Variants in KIAA1549 observed in about 807,000 individuals in gnomAD.
KIAA1549 encodes the protein KIAA1549, also known as UPF0606 protein KIAA1549.
In KIAA1549, 70 loss-of-function variants were observed where a neutral mutation model predicts 156.4. The ratio of observed to expected loss-of-function variants is 0.45; its 90% CI spans 0.37 to 0.55. The LOEUF (loss-of-function observed/expected upper bound fraction) is 0.55. Among genes scored for constraint, KIAA1549 ranks in the 20% least tolerant of loss-of-function variants. The pLI, the probability that KIAA1549 is intolerant of heterozygous loss-of-function variation, is 0.00. For missense variants in KIAA1549, 2,428 were observed against 2,540.9 expected, an observed-to-expected ratio of 0.96 and a Z score of 0.96; for synonymous variants, 1,103 against 1,066.4, an observed-to-expected ratio of 1.03 and a Z score of -0.67.
chr7:138,973,840 C>G (rs1326685115), intron 1 of KIAA1549, among the ~76,000 whole-genome samples: 1 of 152,174 alleles, frequency 6.6e-6, no homozygotes, highest in Non-Finnish European at 1.5e-5. Flanking sequence ...AACAAGGTCT[C>G]ACTATGTTAC....
rs1809555394 is a variant in KIAA1549 at position 138,832,206 on chromosome 7, T to TTTTTTTTTTTTTTTTTTTTTTTTC, written c.*5699_*5700insGAAAAAAAAAAAAAAAAAAAAAAA. Reference sequence around the variant, plus strand: ...TTACCTATTCCTTTTTTTTTTTTTTTTTTTTCCAGAGACAGGACCTCACCC... The same window carrying TTTTTTTTTTTTTTTTTTTTTTTTC: ...TTACCTATTCCTTTTTTTTTTTTTTTTTTTTTTTTTTTTTTTTTTTTTTCTTTTTCCAGAGACAGGACCTCACCC... On this transcript the variant is annotated 3_prime_UTR_variant, in exon 20 of 20. Transcript: ENST00000422774. 4.6e-6 allele frequency: 1 copy of TTTTTTTTTTTTTTTTTTTTTTTTC among 216,288 alleles called. No individual in the cohort carries two copies. The highest frequency in any genetic ancestry group is 9.2e-6 in the Non-Finnish European group (1 of 108,498). 13.4% of individuals were successfully genotyped at this position (216,288 alleles called of 1,614,324 possible).
chr7:138,865,175 G>A (rs1810700876), intron 15 of KIAA1549, among the ~76,000 whole-genome samples: 1 of 152,104 alleles, frequency 6.6e-6, no homozygotes, highest in African/African-American at 2.4e-5. Flanking sequence ...GCTGCAGTGA[G>A]CCGTGATTGC....
intron 1 of KIAA1549, among the ~76,000 whole-genome samples, chr7:138,921,632 C>T (rs1335131160): frequency 2.0e-5 from 3 of 152,160 alleles, no homozygotes; most frequent in East Asian, 1.9e-4. Context: ...TTTGGAAGGC[C>T]GAGGAGGGCG....
intron 16 of KIAA1549, among the ~76,000 whole-genome samples, chr7:138,860,809 C>T (rs543988523): frequency 1.5e-4 from 22 of 148,984 alleles, no homozygotes; most frequent in South Asian, 2.1e-4. Context: ...ATACATTTGA[C>T]GGTTACCCCA....
chr7:138,895,226 C>G (rs1167091895), intron 9 of KIAA1549, among the ~76,000 whole-genome samples: 1 of 152,192 alleles, frequency 6.6e-6, no homozygotes, highest in Non-Finnish European at 1.5e-5. Context: ...TCATATTGCA[C>G]TAGTGCCAAA....
chr7:138,890,264 C>G (rs2130426275), intron 10 of KIAA1549, among the ~76,000 whole-genome samples: 1 of 152,284 alleles, frequency 6.6e-6, no homozygotes, highest in East Asian at 1.9e-4. Flanking sequence ...CCAGGTGGCA[C>G]AAAACGCAGT....
intron 1 of KIAA1549, among the ~76,000 whole-genome samples, chr7:138,964,385 G>A (rs1464650284): frequency 2.0e-5 from 3 of 152,230 alleles, no homozygotes; most frequent in South Asian, 2.1e-4. Flanking sequence ...CTTGCTAGCT[G>A]TGTGAGCAAG....
rs761099814 is a variant in KIAA1549 at position 138,838,026 on chromosome 7, G to A, written c.5733C>T (p.Pro1911=). ...RGLQGPGLGY[P]TSSTEDLQPG... is the part of the protein sequence containing the mutation. ...GCTGGAGGTCTTCCGTGGAGCTGGT[G>A]GGGTAACCCAGCCCAGGGCCCTGCA... The change falls in exon 20 of 20, where the codon CCC becomes CCT. Residue 1911 remains proline (P), a synonymous_variant. Coordinates refer to ENST00000422774, the MANE Select transcript of KIAA1549 (RefSeq NM_001164665.2). The A allele has an allele frequency of 1.9e-6, 3 of 1,608,976 alleles. No homozygotes were observed.
intron 1 of KIAA1549, among the ~76,000 whole-genome samples, chr7:138,942,288 A>G (rs568658459): frequency 6.2e-4 from 94 of 152,232 alleles, no homozygotes; most frequent in African/African-American, 2.2e-3. Flanking sequence ...CGAGAATTCT[A>G]AGTATTAAAA....
intron 16 of KIAA1549, among the ~76,000 whole-genome samples, chr7:138,856,036 A>ATTTTTTTTTTTTTTTTTTTTT (rs57818656): frequency 7.1e-6 from 1 of 141,764 alleles, no homozygotes; most frequent in African/African-American, 2.6e-5. Flanking sequence ...TATTTATTTT[A>ATTTTTTTTTTTTTTTTTTTTT]TTTTTTTTTT....
intron 1 of KIAA1549, among the ~76,000 whole-genome samples, chr7:138,948,696 T>G (rs1584777855): frequency 2.1e-5 from 1 of 48,110 alleles, no homozygotes; most frequent in African/African-American, 1.2e-3. Context: ...TTTTGTGGCT[T>G]TTTTTTTTTT....
rs1012542234 is a variant in KIAA1549 at position 138,838,196 on chromosome 7, G to A, written c.5599-36C>T. The A allele has an allele frequency of 6.2e-6, 9 of 1,444,492 alleles. No homozygotes were observed. The Admixed American group carries it at 8.5e-5, about 14-fold the overall frequency. The allele number at this position is 1,444,492 out of a possible 1,614,324, so 89.5% of individuals were successfully genotyped here. A position where few individuals can be genotyped will look rare whatever the true frequency, so the allele number is the denominator to read the frequency against. ...TGGCAAACGTCACTGTACTTCCTAC[G>A]AAGAATAAGCCGAAACATCAAATGC... is the stretch of plus-strand genomic sequence containing the variant. On this transcript the variant is annotated intron_variant, in intron 19 of 19. Transcript: ENST00000422774.
At chr7:138,910,204 A>C (rs958267238) in intron 4 of KIAA1549, among the ~76,000 whole-genome samples, 1 of 152,072 alleles carries the variant, frequency 6.6e-6, no homozygotes, top group Non-Finnish European at 1.5e-5. Context: ...GTACTTTTGT[A>C]CATGCTTGAA....
At chr7:138,955,201 T>C (rs1813625792) in intron 1 of KIAA1549, among the ~76,000 whole-genome samples, 1 of 152,202 alleles carries the variant, frequency 6.6e-6, no homozygotes, top group Non-Finnish European at 1.5e-5. Flanking sequence ...TAAATCACTG[T>C]AATTCACAAT....
chr7:138,836,015 A>C lies in KIAA1549; in HGVS notation c.*1891T>G. 4.7e-6 allele frequency: 1 copy of C among 212,578 alleles called. No individual in the cohort carries two copies. Among genetic ancestry groups the C allele is most frequent in the Non-Finnish European group, 9.5e-6 (1 of 105,054 alleles). 13.2% of individuals were successfully genotyped at this position (212,578 alleles called of 1,614,324 possible). On this transcript the variant is annotated 3_prime_UTR_variant, in exon 20 of 20. Transcript: ENST00000422774. ...TCTGTACAACAGGCTTCATTAATGA[A>C]GGGCTAAAACATGGTTTTGAAATCC...
chr7:138,909,171 G>T, intron 4 of KIAA1549, 50 bp from the exon 5 acceptor site: 1 of 1,567,706 alleles, frequency 6.4e-7, no homozygotes, highest in South Asian at 1.2e-5. Flanking sequence ...TTGTGCTTCT[G>T]AAGTATTAAG....
rs537633675 is a variant in KIAA1549, at chr7:138,914,549, G to A, written c.2879-2089C>T. Among the ~76,000 whole-genome samples the A allele has an allele frequency of 1.3e-3, 205 of 152,230 alleles. 1 individual carries two copies. Among genetic ancestry groups the A allele is most frequent in the African/African-American group, 4.4e-3 (182 of 41,516 alleles). On this transcript the variant is annotated intron_variant, in intron 2 of 19. Coordinates refer to ENST00000422774, the MANE Select transcript of KIAA1549 (RefSeq NM_001164665.2). ...AGGAAGAATCCTTTCAGGGGTACGC[G>A]GAGTCACCTCAACCCCCTCACCACA...
intron 16 of KIAA1549, among the ~76,000 whole-genome samples, chr7:138,857,172 C>G (rs1810418194): frequency 6.6e-6 from 1 of 152,146 alleles, no homozygotes; most frequent in Non-Finnish European, 1.5e-5. Context: ...GCCGACTCCT[C>G]ATAATAAGTA....
intron 12 of KIAA1549, among the ~76,000 whole-genome samples, chr7:138,874,746 G>A (rs1338561474): frequency 2.0e-5 from 3 of 152,226 alleles, no homozygotes; most frequent in African/African-American, 7.2e-5. Context: ...GCTCTCGCCT[G>A]TAATCCCAGC....
Sources: gnomAD v4.1 joint callset for allele counts (sites outside exome capture counted in the v4.1 genomes callset) on GRCh38, gnomAD v4.1.1 for gene constraint, MANE v1.5 for transcripts, NCBI Gene and HGNC (gene_info 2026-07-23, HGNC 2026-07-21) for gene names.